WWOX: variants seen among roughly 807,000 people sequenced by gnomAD.
WWOX encodes WW domain containing oxidoreductase, also known as WW domain-containing oxidoreductase.
A neutral mutation model predicts 46.2 loss-of-function variants in WWOX; 69 were observed. That is an observed-to-expected ratio of 1.49 (90% CI 1.23 to 1.82). The LOEUF is 1.82. WWOX is among the 40% of genes most tolerant of loss of function. The pLI, the probability that WWOX is intolerant of heterozygous loss-of-function variation, is 0.00. For synonymous variants in WWOX, 359 were observed against 202.6 expected, an observed-to-expected ratio of 1.77 and a Z score of -6.56; for missense variants, 919 against 542.6, an observed-to-expected ratio of 1.69 and a Z score of -6.89.
chr16:78,924,384 T>C (rs923149383), intron 8 of WWOX, among the ~76,000 whole-genome samples: 1 of 152,196 alleles, frequency 6.6e-6, no homozygotes, highest in African/African-American at 2.4e-5. Context: ...AAAATGGAAC[T>C]TGTCTATCCA....
At chr16:78,758,937 CAAAAAAA>C (rs56184923) in intron 8 of WWOX, among the ~76,000 whole-genome samples, 4 of 90,160 alleles carry the variant, frequency 4.4e-5, no homozygotes, top group African/African-American at 7.3e-5. Flanking sequence ...CCACAAAAGA[CAAAAAAA>C]AAAAAAACAA....
chr16:78,344,638 G>A lies in WWOX; in HGVS notation c.517-42222G>A, dbSNP rs2081065459. 1.6e-5 allele frequency among the ~76,000 whole-genome samples: 2 copies of A among 121,420 alleles called. 1 individual carries two copies. The highest frequency in any genetic ancestry group is 3.9e-5 in the Non-Finnish European group (2 of 50,732). 79.7% of individuals were successfully genotyped at this position (121,420 alleles called of 152,430 possible). A position where few individuals can be genotyped will look rare whatever the true frequency, so the allele number is the denominator to read the frequency against. ...ACTGGCTGTACAGAAGGGAACCCCA[G>A]TTTCAATGAGTACCTATGTGCTGGG... On this transcript the variant is annotated intron_variant, in intron 5 of 8. Coordinates refer to ENST00000566780, the MANE Select transcript of WWOX (RefSeq NM_016373.4).
At chr16:78,162,456 G>A (rs765331649) in intron 4 of WWOX, among the ~76,000 whole-genome samples, 14 of 144,158 alleles carry the variant, frequency 9.7e-5, no homozygotes, top group Admixed American at 3.6e-4. Context: ...TTCTGTTTGC[G>A]GCTCACACAG....
In WWOX at chr16:78,739,324, G is replaced by A. The variant is rs368049833; in HGVS notation, c.1056+306572G>A. Among the ~76,000 whole-genome samples, 5 of 152,160 alleles carry A rather than the reference G, an allele frequency of 3.3e-5. No homozygotes were observed. In the East Asian group the frequency reaches 7.7e-4, roughly 23 times the overall value. ...TCATACTGGGTTTTGGTGCCCAGAC[G>A]TTCCCAACACTCGCAGCAGAGGGCA... On this transcript the variant is annotated intron_variant, in intron 8 of 8. Transcript: ENST00000566780.
chr16:78,111,661 C>G (rs577193267), intron 3 of WWOX, among the ~76,000 whole-genome samples: 3 of 152,190 alleles, frequency 2.0e-5, no homozygotes, highest in Non-Finnish European at 2.9e-5. Context: ...CACAGTCATC[C>G]GGAGGCCTAA....
intron 8 of WWOX, among the ~76,000 whole-genome samples, chr16:79,168,885 A>C (rs1019651605): frequency 1.3e-5 from 2 of 152,342 alleles, no homozygotes; most frequent in Admixed American, 6.5e-5. Context: ...TAAAACAAAA[A>C]ACTTTTGCAT....
intron 8 of WWOX, among the ~76,000 whole-genome samples, chr16:78,530,988 A>G (rs1254472728): frequency 1.3e-5 from 2 of 152,218 alleles, no homozygotes; most frequent in Admixed American, 6.5e-5. Context: ...TACTCTGCAA[A>G]TATGGAATTG....
intron 8 of WWOX, among the ~76,000 whole-genome samples, chr16:78,548,165 A>ATTC (rs1225171574): frequency 1.2e-4 from 9 of 72,836 alleles, no homozygotes; most frequent in Non-Finnish European, 3.3e-4. Context: ...AAAAAAAAAA[A>ATTC]AAAAAAAAAA....
At chr16:78,310,029 T>G (rs779483211) in intron 5 of WWOX, among the ~76,000 whole-genome samples, 2 of 152,002 alleles carry the variant, frequency 1.3e-5, no homozygotes, top group African/African-American at 4.8e-5. Context: ...TGCACAATTA[T>G]TGTCATTATC....
At chr16:78,551,722 A>G (rs983708175) in intron 8 of WWOX, 5 of 129,906 alleles carry the variant, frequency 3.8e-5, no homozygotes. Context: ...CCAGCCTCCC[A>G]TGAAGCATCC....
chr16:78,753,709 G>C (rs2049545421), intron 8 of WWOX, among the ~76,000 whole-genome samples: 1 of 149,974 alleles, frequency 6.7e-6, no homozygotes, highest in African/African-American at 2.5e-5. Flanking sequence ...GGCTGAGGTG[G>C]GAGGATTGCT....
At chr16:79,057,454 C>T (rs538682131) in intron 8 of WWOX, among the ~76,000 whole-genome samples, 1 of 152,288 alleles carries the variant, frequency 6.6e-6, no homozygotes, top group African/African-American at 2.4e-5. Context: ...AATTCTCAGG[C>T]TCCTTCTCAT....
chr16:78,783,753 A>T (rs2050386599), intron 8 of WWOX, among the ~76,000 whole-genome samples: 1 of 151,924 alleles, frequency 6.6e-6, no homozygotes, highest in African/African-American at 2.4e-5. Flanking sequence ...GGTGATGGTG[A>T]TGATGGTAGT....
intron 8 of WWOX, among the ~76,000 whole-genome samples, chr16:79,130,450 C>T (rs536143977): frequency 6.6e-5 from 10 of 152,124 alleles, no homozygotes; most frequent in South Asian, 2.1e-4. Flanking sequence ...GTCAGTTCTA[C>T]GTAAAAACAG....
chr16:79,182,902 T>C (rs2050940577), intron 8 of WWOX, among the ~76,000 whole-genome samples: 2 of 152,186 alleles, frequency 1.3e-5, no homozygotes, highest in Non-Finnish European at 2.9e-5. Context: ...AAAAGCCTTC[T>C]GGGCTGATGA....
intron 8 of WWOX, among the ~76,000 whole-genome samples, chr16:78,688,623 A>T (rs78866719): frequency 2.0e-5 from 3 of 152,222 alleles, no homozygotes; most frequent in Non-Finnish European, 4.4e-5. Context: ...TACCGGGGCA[A>T]ATTTTCCCCC....
intron 8 of WWOX, among the ~76,000 whole-genome samples, chr16:78,574,030 G>C (rs547486066): frequency 6.6e-6 from 1 of 152,158 alleles, no homozygotes; most frequent in Non-Finnish European, 1.5e-5. Context: ...AAATCACCCA[G>C]ATTACTAGCA....
At position 78,825,761 on chromosome 16, in the gene WWOX, C is replaced by T. The variant is rs1027700295; in HGVS notation, c.1057-385847C>T. 39 of 595,322 alleles carry T rather than the reference C, an allele frequency of 6.6e-5. No homozygotes were observed. The Admixed American group carries it at 7.4e-4, about 11-fold the overall frequency. The allele number at this position is 595,322 out of a possible 1,614,324, so 36.9% of individuals were successfully genotyped here. ...TGGCCTGATGATCCCCAGCGGAGAC[C>T]ATGTTAACTAGTACATTGATGCTGT... On this transcript the variant is annotated intron_variant, in intron 8 of 8. Coordinates refer to ENST00000566780, the MANE Select transcript of WWOX (RefSeq NM_016373.4).
chr16:78,139,862 C>T (rs917170955), intron 4 of WWOX, among the ~76,000 whole-genome samples: 1 of 152,144 alleles, frequency 6.6e-6, no homozygotes, highest in Admixed American at 6.5e-5. Flanking sequence ...TTACTAGAGG[C>T]AACTAGTGCT....
Sources: allele counts gnomAD v4.1 joint callset (sites outside exome capture counted in the v4.1 genomes callset), GRCh38; gene constraint gnomAD v4.1.1; transcripts MANE v1.5; gene names NCBI Gene and HGNC (gene_info 2026-07-23, HGNC 2026-07-21).